The following POLR1A variants were observed in gnomAD, a reference collection of about 807,000 sequenced individuals.
POLR1A encodes RNA polymerase I subunit A.
In POLR1A, 84 loss-of-function variants were observed where a neutral mutation model predicts 205.3. The observed-to-expected ratio is 0.41, with a 90% CI of 0.34 to 0.49. POLR1A has a LOEUF of 0.49. POLR1A is among the 20% of genes least tolerant of loss of function. The pLI is 0.22. For synonymous variants in POLR1A, 799 were observed against 863.7 expected, an observed-to-expected ratio of 0.93 and a Z score of 1.31; for missense variants, 1,645 against 2,204.5, an observed-to-expected ratio of 0.75 and a Z score of 5.08.
At chr2:86,033,527 G>T in intron 28 of POLR1A, 134 bp downstream of exon 28, 1 of 1,019,838 alleles carries the variant, frequency 9.8e-7, no homozygotes, top group Non-Finnish European at 1.4e-6. Flanking sequence ...CAGAACAGCA[G>T]GTAAAAGCTG....
At chr2:86,068,386 C>CGGGGGGGGCGGGG (rs1553436018) in intron 13 of POLR1A, among the ~76,000 whole-genome samples, 1 of 12,240 alleles carries the variant, frequency 8.2e-5, no homozygotes, top group African/African-American at 4.5e-4. Context: ...AGCACATGGG[C>CGGGGGGGGCGGGG]GGGGGGGGGG....
intron 21 of POLR1A, among the ~76,000 whole-genome samples, chr2:86,044,687 T>G (rs1168728740): frequency 6.6e-6 from 1 of 152,204 alleles, no homozygotes; most frequent in Non-Finnish European, 1.5e-5. Flanking sequence ...GCAGGGGAGC[T>G]GTCAAGGATT....
At chr2:86,094,806 G>A (rs774662565) in intron 3 of POLR1A, among the ~76,000 whole-genome samples, 16 of 151,972 alleles carry the variant, frequency 1.1e-4, no homozygotes, top group Non-Finnish European at 1.5e-4. Flanking sequence ...CTCTCTCCCC[G>A]TATGTAACCA....
chr2:86,049,634 A>G (rs191000645), intron 16 of POLR1A, among the ~76,000 whole-genome samples: 1 of 152,228 alleles, frequency 6.6e-6, no homozygotes, highest in Non-Finnish European at 1.5e-5. Flanking sequence ...AGATAAGCTC[A>G]GGGAAAAAGA....
intron 11 of POLR1A, among the ~76,000 whole-genome samples, chr2:86,076,124 G>A (rs1673279098): frequency 1.3e-5 from 2 of 152,194 alleles, no homozygotes; most frequent in Non-Finnish European, 2.9e-5. Flanking sequence ...CCTGGGATAC[G>A]CTCCAAGTAA....
At chr2:86,076,942 A>C (rs1673296106) in intron 11 of POLR1A, among the ~76,000 whole-genome samples, 1 of 152,206 alleles carries the variant, frequency 6.6e-6, no homozygotes, top group Admixed American at 6.5e-5. Context: ...TGCAAGGACT[A>C]TGGTTCCCAA....
At position 86,028,917 on chromosome 2, in the gene POLR1A, C is replaced by T. The variant is rs948738208; in HGVS notation, c.4780-206G>A. 22 of 560,176 alleles carry T rather than the reference C, an allele frequency of 3.9e-5. No homozygotes were observed. Among genetic ancestry groups the T allele is most frequent in the Non-Finnish European group, 5.8e-5 (18 of 310,332 alleles). 34.7% of individuals were successfully genotyped at this position (560,176 alleles called of 1,614,324 possible). On this transcript the variant is annotated intron_variant, in intron 31 of 33. Coordinates refer to ENST00000263857, the MANE Select transcript of POLR1A (RefSeq NM_015425.6). The surrounding 1 kb of genome is among the most constrained non-coding windows in gnomAD (Gnocchi z 4.5). ...CGGCTCGCTGGCCGGGGCCCAAGGT[C>T]TGTATCGTCATTACAAGAATCCAGC...
chr2:86,105,509 A>G (rs1315947878), intron 1 of POLR1A, among the ~76,000 whole-genome samples, 191 bp downstream of exon 1: 2 of 152,062 alleles, frequency 1.3e-5, no homozygotes, highest in Non-Finnish European at 2.9e-5. Flanking sequence ...TTCCCCCAGC[A>G]CCACCGGCCT....
Position 86,031,620 on chromosome 2 carries a change from C to T in POLR1A, c.4288G>A (p.Glu1430Lys), listed in dbSNP as rs1418190286. 5 of 1,611,908 alleles carry T rather than the reference C, an allele frequency of 3.1e-6. No homozygotes were observed. Among genetic ancestry groups the T allele is most frequent in the Non-Finnish European group, 4.2e-6 (5 of 1,178,522 alleles). The part of the protein sequence containing the change: ...KQEEEVDYES[E>K]EEEEREGEEN... ...TCGCCCTCCCTCTCCTCCTCTTCCTCACTCTCATAATCAACCTGGCAGAAA... is the reference window on the plus strand; with the variant it reads ...TCGCCCTCCCTCTCCTCCTCTTCCTTACTCTCATAATCAACCTGGCAGAAA... The change falls in exon 30 of 34, where the codon GAG becomes AAG. Residue 1430 changes from glutamate (E) to lysine (K), a missense_variant. Physicochemically the swap from Glu to Lys is moderately conservative, Grantham distance 56. This residue lies in a region of POLR1A where 394 missense variants were observed against 468.5 expected (regional missense o/e 0.84). Coordinates refer to ENST00000263857, the MANE Select transcript of POLR1A (RefSeq NM_015425.6).
In POLR1A at chr2:86,021,311, CTTGCA is replaced by C. The variant is rs1386405614; in HGVS notation, c.*6107_*6111del. 1 of 152,082 alleles carries C rather than the reference CTTGCA, an allele frequency of 6.6e-6. No homozygotes were observed. Among genetic ancestry groups the C allele is most frequent in the East Asian group, 1.9e-4 (1 of 5,208 alleles). 9.4% of individuals were successfully genotyped at this position (152,082 alleles called of 1,614,324 possible). A position where few individuals can be genotyped will look rare whatever the true frequency, so the allele number is the denominator to read the frequency against. On this transcript the variant is annotated 3_prime_UTR_variant, in exon 34 of 34. Transcript: ENST00000263857. ...GCCTTCTGAGTAAGGAAGACCCCAG[CTTGCA>C]AAAGACATAGAGGCAGCACTGTGAC...
Position 86,070,715 on chromosome 2 carries a change from C to T in POLR1A, c.1612-443G>A, listed in dbSNP as rs74977180. Among the ~76,000 whole-genome samples, 55,955 of 146,710 alleles carry T rather than the reference C, an allele frequency of 0.38. 13,350 individuals carry two copies. The highest frequency in any genetic ancestry group is 0.54 in the Non-Finnish European group (35,995 of 67,040). The stretch of plus-strand genomic sequence containing the variant: ...TCGAATCCCCCCCCCGCCGTGATCA[C>T]ATGTGAGTACATTATTCTAAACAGA... On this transcript the variant is annotated intron_variant, in intron 12 of 33. Transcript: ENST00000263857. The surrounding 1 kb of genome is among the most constrained non-coding windows in gnomAD (Gnocchi z 4.4).
intron 20 of POLR1A, 34 bp from the exon 21 acceptor site, chr2:86,045,394 C>T: frequency 1.3e-6 from 2 of 1,522,494 alleles, no homozygotes; most frequent in Non-Finnish European, 1.8e-6. Context: ...CCAAAGGTGA[C>T]AGTGAGGACA....
intron 2 of POLR1A, among the ~76,000 whole-genome samples, chr2:86,099,615 A>C (rs1338154029): frequency 6.6e-6 from 1 of 152,074 alleles, no homozygotes; most frequent in African/African-American, 2.4e-5. Flanking sequence ...AGACCCTGAG[A>C]ACACTGAAGT....
In POLR1A at chr2:86,033,650, GACTC is replaced by G; in HGVS notation, c.4161+7_4161+10del. The G allele has an allele frequency of 6.2e-7, 1 of 1,612,394 alleles. No individual in the cohort carries two copies. The highest frequency in any genetic ancestry group is 8.5e-7 in the Non-Finnish European group (1 of 1,179,532). On this transcript the variant is annotated splice_region_variant and intron_variant, in intron 28 of 33. Transcript: ENST00000263857. ...CTGTGCAACTCTAGTGACCCCCGGG[GACTC>G]ACTCACCCGACTCCTCCCCAACTCC... is the stretch of plus-strand genomic sequence containing the variant.
chr2:86,081,515 T>C, intron 8 of POLR1A, 86 bp downstream of exon 8: 1 of 788,470 alleles, frequency 1.3e-6, no homozygotes, highest in South Asian at 1.8e-5. Context: ...TCAGTGCCCT[T>C]GGCCCTTTCA....
intron 27 of POLR1A, among the ~76,000 whole-genome samples, chr2:86,037,309 C>T (rs1406664537): frequency 1.3e-5 from 2 of 152,260 alleles, no homozygotes; most frequent in Admixed American, 1.3e-4. Context: ...TCACCCAGGG[C>T]TCGTGAACTG....
At chr2:86,077,559 G>A (rs963488709) in intron 11 of POLR1A, among the ~76,000 whole-genome samples, 3 of 152,172 alleles carry the variant, frequency 2.0e-5, no homozygotes, top group Admixed American at 6.5e-5. Context: ...AAGCTATGCC[G>A]GCGGGGATGT....
Position 86,031,457 on chromosome 2 carries a change from C to T in POLR1A, c.4451G>A (p.Arg1484Gln), listed in dbSNP as rs199858437. ...PSLPALLTQP[R>Q]KPTHSQEPQG... The stretch of plus-strand genomic sequence containing the variant: ...GGGCTCCTGGCTGTGGGTGGGTTTC[C>T]GGGGCTGCGTCAGGAGGGCGGGAAG... The change falls in exon 30 of 34, where the codon CGG becomes CAG. Residue 1484 changes from arginine (R) to glutamine (Q), a missense_variant. Arg to Gln is a conservative substitution (Grantham distance 43, BLOSUM62 1). Around this residue, in one of 16 missense-constraint regions of POLR1A, gnomAD observed 394 missense variants for 468.5 expected, o/e 0.84. Coordinates refer to ENST00000263857, the MANE Select transcript of POLR1A (RefSeq NM_015425.6). 9.4e-5 allele frequency: 151 copies of T among 1,614,044 alleles called. No individual in the cohort carries two copies. The highest frequency in any genetic ancestry group is 1.1e-4 in the Non-Finnish European group (126 of 1,179,912).
intron 29 of POLR1A, 45 bp downstream of exon 29, chr2:86,032,227 G>T: frequency 2.3e-6 from 3 of 1,290,854 alleles, no homozygotes; most frequent in Non-Finnish European, 3.4e-6. Flanking sequence ...TAACAGGGAA[G>T]GGGGCTGGGA....
Sources: gnomAD v4.1 joint callset for allele counts (sites outside exome capture counted in the v4.1 genomes callset) on GRCh38, gnomAD v4.1.1 for gene constraint, gnomAD v4.1.1 regional missense constraint, Gnocchi (gnomAD v3.1) non-coding constraint, MANE v1.5 for transcripts, NCBI Gene and HGNC (gene_info 2026-07-23, HGNC 2026-07-21) for gene names.